Variants in EPB41L2 observed in about 807,000 individuals in gnomAD.
EPB41L2 encodes erythrocyte membrane protein band 4.1 like 2, also known as band 4.1-like protein 2.
Under a neutral mutation model 113.0 loss-of-function variants are expected in EPB41L2, and 43 were observed. That is an observed-to-expected ratio of 0.38 (90% confidence interval 0.30 to 0.49). The LOEUF is 0.49. Ranked by LOEUF, EPB41L2 falls within the 20% of genes least tolerant of loss-of-function variation. The pLI is 0.95. For synonymous variants in EPB41L2, 442 were observed against 436.7 expected, an observed-to-expected ratio of 1.01 and a Z score of -0.15; for missense variants, 1,147 against 1,223.4, an observed-to-expected ratio of 0.94 and a Z score of 0.93.
chr6:130,894,004 C>T (rs1457450839), intron 10 of EPB41L2, among the ~76,000 whole-genome samples: 1 of 152,032 alleles, frequency 6.6e-6, no homozygotes, highest in Non-Finnish European at 1.5e-5. Flanking sequence ...AGGGGCAGCT[C>T]AGTTATAAAT....
intron 13 of EPB41L2, among the ~76,000 whole-genome samples, chr6:130,879,304 G>A (rs1192925018): frequency 6.6e-6 from 1 of 152,158 alleles, no homozygotes; most frequent in African/African-American, 2.4e-5. Context: ...AAATGACTGT[G>A]GCTTGAGATC....
At chr6:130,976,260 G>A (rs1192870585) in intron 1 of EPB41L2, among the ~76,000 whole-genome samples, 1 of 152,042 alleles carries the variant, frequency 6.6e-6, no homozygotes, top group African/African-American at 2.4e-5. Flanking sequence ...TCTGATGTAG[G>A]CAGAAAAACT....
chr6:130,943,066 T>C lies in EPB41L2; in HGVS notation c.705+12039A>G, dbSNP rs534926043. 2.6e-5 allele frequency among the ~76,000 whole-genome samples: 4 copies of C among 152,352 alleles called. No homozygotes were observed. The South Asian group carries it at 8.3e-4, about 32-fold the overall frequency. On this transcript the variant is annotated intron_variant, in intron 3 of 19. Coordinates refer to ENST00000337057, the MANE Select transcript of EPB41L2 (RefSeq NM_001431.4). ...GTGCTGCAATAAACATACATGTGCA[T>C]GTGTCTTTTTGGTAGAATGATTGAT...
intron 19 of EPB41L2, among the ~76,000 whole-genome samples, chr6:130,845,146 G>A (rs1483273277): frequency 6.6e-6 from 1 of 152,240 alleles, no homozygotes; most frequent in African/African-American, 2.4e-5. Context: ...TAAAATGTCT[G>A]TATTACCATT....
intron 1 of EPB41L2, among the ~76,000 whole-genome samples, chr6:130,996,144 TC>T (rs1783049863): frequency 6.6e-6 from 1 of 152,120 alleles, no homozygotes; most frequent in African/African-American, 2.4e-5. Context: ...CAAAAGAACA[TC>T]CATATAAAGA....
chr6:130,949,054 A>G (rs529023686), intron 3 of EPB41L2, among the ~76,000 whole-genome samples: 60 of 152,366 alleles, frequency 3.9e-4, no homozygotes, highest in African/African-American at 1.3e-3. Flanking sequence ...AGAAACCGGT[A>G]TCAACAATAA....
chr6:131,035,780 G>A (rs1793180656), intron 1 of EPB41L2, among the ~76,000 whole-genome samples: 1 of 152,146 alleles, frequency 6.6e-6, no homozygotes, highest in African/African-American at 2.4e-5. Context: ...GTGCTTGTGA[G>A]GTTAAATGAG....
chr6:130,936,163 T>G (rs934538450), intron 3 of EPB41L2, among the ~76,000 whole-genome samples: 1 of 152,248 alleles, frequency 6.6e-6, no homozygotes, highest in Non-Finnish European at 1.5e-5. Context: ...TTTAATGGAA[T>G]AGTATTCTAG....
At chr6:131,057,901 C>T (rs1322570053) in intron 1 of EPB41L2, among the ~76,000 whole-genome samples, 1 of 152,178 alleles carries the variant, frequency 6.6e-6, no homozygotes, top group East Asian at 1.9e-4. Context: ...TCCATGCCTC[C>T]TAACCTGGAA....
chr6:130,849,392 T>TC (rs1778094267), intron 19 of EPB41L2, among the ~76,000 whole-genome samples: 3 of 152,182 alleles, frequency 2.0e-5, no homozygotes, highest in Non-Finnish European at 4.4e-5. Flanking sequence ...CTTGCCCCTC[T>TC]CCCCACTTTT....
At chr6:130,933,660 C>T (rs116060143) in intron 3 of EPB41L2, among the ~76,000 whole-genome samples, 288 of 152,200 alleles carry the variant, frequency 1.9e-3, no homozygotes, top group African/African-American at 6.4e-3. Context: ...CTTTTGGGAA[C>T]TTTCATTTAA....
intron 1 of EPB41L2, among the ~76,000 whole-genome samples, chr6:130,959,661 G>T (rs73621528): frequency 0.034 from 5,147 of 152,290 alleles, 261 homozygotes; most frequent in African/African-American, 0.11. Flanking sequence ...ATATTGCACA[G>T]AAAACCTTTT....
intron 14 of EPB41L2, among the ~76,000 whole-genome samples, chr6:130,876,092 A>G (rs576317979): frequency 3.6e-4 from 55 of 152,302 alleles, no homozygotes; most frequent in African/African-American, 1.2e-3. Context: ...TAACAGACTG[A>G]CCACCTGGCT....
At chr6:130,946,455 C>T (rs557634081) in intron 3 of EPB41L2, among the ~76,000 whole-genome samples, 1 of 152,180 alleles carries the variant, frequency 6.6e-6, no homozygotes, top group African/African-American at 2.4e-5. Flanking sequence ...AGCAAATGCC[C>T]TCTTTCCTTA....
At chr6:131,022,959 G>A (rs1483581247) in intron 1 of EPB41L2, among the ~76,000 whole-genome samples, 2 of 152,240 alleles carry the variant, frequency 1.3e-5, no homozygotes, top group Middle Eastern at 3.4e-3. Flanking sequence ...AGGAATTTTT[G>A]TCTGTTTTGT....
intron 1 of EPB41L2, among the ~76,000 whole-genome samples, chr6:130,976,228 T>C (rs991799889): frequency 1.3e-5 from 2 of 152,166 alleles, no homozygotes; most frequent in Admixed American, 6.5e-5. Flanking sequence ...CCACATTTCA[T>C]AGGATCATTG....
chr6:130,890,490 A>AGAG, intron 10 of EPB41L2, 24 bp from the exon 11 acceptor site: 1 of 1,508,664 alleles, frequency 6.6e-7, no homozygotes, highest in South Asian at 1.3e-5. Flanking sequence ...AAAAAAAAAA[A>AGAG]AGAGAGAGAG....
At chr6:130,873,761 C>T (rs1340921467) in intron 14 of EPB41L2, among the ~76,000 whole-genome samples, 2 of 146,828 alleles carry the variant, frequency 1.4e-5, no homozygotes, top group Admixed American at 7.0e-5. Context: ...CCACCGCACC[C>T]AGTCACTATT....
intron 4 of EPB41L2, among the ~76,000 whole-genome samples, chr6:130,923,411 C>T (rs1296546934): frequency 1.3e-5 from 2 of 152,112 alleles, no homozygotes; most frequent in African/African-American, 4.8e-5. Context: ...CTTAAGTGGC[C>T]CTGCATGATC....
Sources: allele counts gnomAD v4.1 joint callset (sites outside exome capture counted in the v4.1 genomes callset), GRCh38; gene constraint gnomAD v4.1.1; transcripts MANE v1.5; gene names NCBI Gene and HGNC (gene_info 2026-07-23, HGNC 2026-07-21).